SLC26A7: variants seen among roughly 807,000 people sequenced by gnomAD.
The protein encoded by SLC26A7 is anion exchange transporter.
A neutral mutation model predicts 82.5 loss-of-function variants in SLC26A7; 59 were observed. The ratio of observed to expected loss-of-function variants is 0.72; its 90% confidence interval spans 0.58 to 0.89. The LOEUF (loss-of-function observed/expected upper bound fraction) is 0.89. SLC26A7 is among the 40% of genes least tolerant of loss of function. The pLI is 0.00. For synonymous variants in SLC26A7, 271 were observed against 274.3 expected (o/e 0.99, Z 0.12); for missense variants, 820 against 793.0 (o/e 1.03, Z -0.41).
chr8:91,352,912 A>G lies in SLC26A7; in HGVS notation c.1230A>G (p.Ala410=). 6.2e-7 allele frequency: 1 copy of G among 1,602,108 alleles called. No homozygotes were observed. The highest frequency in any genetic ancestry group is 8.5e-7 in the Non-Finnish European group (1 of 1,175,378). The change falls in exon 11 of 19, where the codon GCA becomes GCG. Residue 410 remains alanine, a synonymous_variant. Transcript: ENST00000276609. ...CGTTTTATTTCTAGTGTGTCCTTGCAAGCATTATTGTTGTGGGACTGAAGG... is the reference window on the plus strand; with the variant it reads ...CGTTTTATTTCTAGTGTGTCCTTGCGAGCATTATTGTTGTGGGACTGAAGG... ...LLYWLPMCVL[A]SIIVVGLKGM...
At chr8:91,361,463 A>G (rs186510335) in intron 11 of SLC26A7, among the ~76,000 whole-genome samples, 332 of 152,274 alleles carry the variant, frequency 2.2e-3, no homozygotes, top group African/African-American at 7.4e-3. Flanking sequence ...AAATAAATGT[A>G]GAATTGCAGT....
intron 11 of SLC26A7, among the ~76,000 whole-genome samples, chr8:91,355,382 C>G (rs1462436883): frequency 6.6e-6 from 1 of 151,926 alleles, no homozygotes; most frequent in African/African-American, 2.4e-5. Context: ...CTGTGTTCTG[C>G]TCTCTTCTCA....
At chr8:91,358,892 G>A (rs749198138) in intron 11 of SLC26A7, among the ~76,000 whole-genome samples, 10 of 152,056 alleles carry the variant, frequency 6.6e-5, no homozygotes, top group Non-Finnish European at 1.5e-4. Flanking sequence ...GAGAACACTC[G>A]GACACAGGAA....
In SLC26A7 at chr8:91,327,086, GC is replaced by G. The variant is rs113862840; in HGVS notation, c.643-7208del. Among the ~76,000 whole-genome samples the G allele has an allele frequency of 1.3e-3, 202 of 152,214 alleles. 2 individuals carry two copies. The highest frequency in any genetic ancestry group is 4.8e-3 in the African/African-American group (199 of 41,540). ...TTTCCATATAAGGTGACAGTCACAG[GC>G]ACTGGAGTTTAGAATGTAGACTTTT... On this transcript the variant is annotated intron_variant, in intron 5 of 18. Coordinates refer to ENST00000276609, the MANE Select transcript of SLC26A7 (RefSeq NM_052832.4).
At chr8:91,351,995 C>T in intron 10 of SLC26A7, 108 bp downstream of exon 10, 1 of 889,456 alleles carries the variant, frequency 1.1e-6, no homozygotes, top group Non-Finnish European at 1.8e-6. Flanking sequence ...AATGTAGAAA[C>T]CATGTTACAG....
At chr8:91,224,669 T>C (rs574615151) in intron 2 of SLC26A7, among the ~76,000 whole-genome samples, 1 of 152,278 alleles carries the variant, frequency 6.6e-6, no homozygotes, top group African/African-American at 2.4e-5. Context: ...CCCAGTTGGG[T>C]GGCACAGGGA....
chr8:91,346,550 AG>A (rs989395833), intron 9 of SLC26A7, among the ~76,000 whole-genome samples: 2 of 152,190 alleles, frequency 1.3e-5, no homozygotes, highest in Non-Finnish European at 2.9e-5. Context: ...AACCAATCAA[AG>A]GATCAGTGAT....
chr8:91,382,131 A>C (rs1393619874), intron 15 of SLC26A7, among the ~76,000 whole-genome samples: 1 of 152,170 alleles, frequency 6.6e-6, no homozygotes, highest in African/African-American at 2.4e-5. Context: ...TGGAGTTTAC[A>C]TGCAGCTGAG....
At chr8:91,363,381 C>G in intron 12 of SLC26A7, 91 bp from the exon 13 acceptor site, 1 of 690,698 alleles carries the variant, frequency 1.4e-6, no homozygotes, top group Non-Finnish European at 2.5e-6. Flanking sequence ...CAGACACATT[C>G]TAGTTATTAA....
At chr8:91,338,782 C>T (rs574520002) in intron 7 of SLC26A7, among the ~76,000 whole-genome samples, 12 of 151,982 alleles carry the variant, frequency 7.9e-5, no homozygotes, top group African/African-American at 1.2e-4. Flanking sequence ...AGCAAAAGTT[C>T]GTACCACATA....
chr8:91,247,662 T>G (rs1387434391), upstream of SLC26A7, among the ~76,000 whole-genome samples: 8 of 152,172 alleles, frequency 5.3e-5, no homozygotes, highest in African/African-American at 1.9e-4. Flanking sequence ...TTGAAATGTT[T>G]TAGAACAATT....
chr8:91,244,026 A>G (rs931615482), intron 2 of SLC26A7, among the ~76,000 whole-genome samples: 5 of 152,212 alleles, frequency 3.3e-5, no homozygotes, highest in Non-Finnish European at 7.3e-5. Flanking sequence ...TAATCTTCCA[A>G]TATATACATA....
At chr8:91,261,166 A>G (rs1373395189) in intron 2 of SLC26A7, among the ~76,000 whole-genome samples, 1 of 152,114 alleles carries the variant, frequency 6.6e-6, no homozygotes, top group Non-Finnish European at 1.5e-5. Flanking sequence ...TTTTGTTTTT[A>G]AGAATACTAA....
intron 5 of SLC26A7, 118 bp from the exon 6 acceptor site, chr8:91,334,177 C>A: frequency 2.1e-6 from 2 of 945,920 alleles, no homozygotes; most frequent in Non-Finnish European, 3.1e-6. Flanking sequence ...TATCTTTCCT[C>A]TCCCTAGCCA....
chr8:91,240,123 A>G (rs1810454206), intron 2 of SLC26A7, among the ~76,000 whole-genome samples: 1 of 152,170 alleles, frequency 6.6e-6, no homozygotes, highest in South Asian at 2.1e-4. Flanking sequence ...CTTTGGTGGG[A>G]TTGAATTTCA....
At chr8:91,286,235 C>T (rs988785181) in intron 2 of SLC26A7, among the ~76,000 whole-genome samples, 2 of 152,164 alleles carry the variant, frequency 1.3e-5, no homozygotes, top group African/African-American at 4.8e-5. Context: ...GGCAAATGTT[C>T]AGTTTCACAC....
intron 4 of SLC26A7, among the ~76,000 whole-genome samples, chr8:91,313,770 T>G (rs1812553102): frequency 6.6e-6 from 1 of 152,178 alleles, no homozygotes; most frequent in African/African-American, 2.4e-5. Context: ...TTAGTAGATA[T>G]TCAATAAATA....
At chr8:91,370,101 A>G (rs1038720021) in intron 15 of SLC26A7, among the ~76,000 whole-genome samples, 2 of 148,110 alleles carry the variant, frequency 1.4e-5, no homozygotes, top group Non-Finnish European at 3.0e-5. Flanking sequence ...TCTTTCTCCC[A>G]CTTCTTCTCC....
chr8:91,308,246 GGT>G (rs35920887), intron 4 of SLC26A7, among the ~76,000 whole-genome samples: 10,173 of 145,350 alleles, frequency 0.07, 343 homozygotes, highest in South Asian at 0.088. Context: ...AGGAGGAAGA[GGT>G]GTGTGTGTGT....
Sources: allele counts gnomAD v4.1 joint callset (sites outside exome capture counted in the v4.1 genomes callset), GRCh38; gene constraint gnomAD v4.1.1; transcripts MANE v1.5; gene names NCBI Gene and HGNC (gene_info 2026-07-23, HGNC 2026-07-21).